Variants in CPNE8 observed in about 807,000 individuals in gnomAD.
The protein encoded by CPNE8 is copine 8.
Under a neutral mutation model 81.5 loss-of-function variants are expected in CPNE8, and 45 were observed. The observed-to-expected ratio is 0.55, with a 90% CI of 0.44 to 0.71. The LOEUF (loss-of-function observed/expected upper bound fraction) is 0.71. Among genes scored for constraint, CPNE8 ranks in the 30% least tolerant of loss-of-function variants. The probability of loss-of-function intolerance (pLI) is 0.00; values close to 1 mark genes in which losing one functional copy is unlikely to be tolerated. For synonymous variants in CPNE8, 252 were observed against 226.3 expected (o/e 1.11, Z -1.02); for missense variants, 594 against 672.1 (o/e 0.88, Z 1.28).
chr12:38,687,677 C>T (rs1456759603), intron 15 of CPNE8, among the ~76,000 whole-genome samples: 7 of 152,106 alleles, frequency 4.6e-5, no homozygotes, highest in African/African-American at 1.2e-4. Flanking sequence ...CCACCGCACC[C>T]GGCCAAAATG....
intron 10 of CPNE8, among the ~76,000 whole-genome samples, chr12:38,753,094 A>G (rs1016603221): frequency 6.6e-6 from 1 of 152,202 alleles, no homozygotes; most frequent in African/African-American, 2.4e-5. Flanking sequence ...TATTTAAGGT[A>G]ATTTCATAAT....
intron 19 of CPNE8, among the ~76,000 whole-genome samples, chr12:38,662,592 A>T (rs1938983382): frequency 6.6e-6 from 1 of 152,110 alleles, no homozygotes; most frequent in Non-Finnish European, 1.5e-5. Context: ...TTAAAGTAAT[A>T]CTTGTCAAAA....
chr12:38,818,904 T>C (rs761043254), intron 6 of CPNE8, among the ~76,000 whole-genome samples: 11 of 152,224 alleles, frequency 7.2e-5, no homozygotes, highest in Non-Finnish European at 1.3e-4. Flanking sequence ...CTTTTTTTCA[T>C]ATGTTTGTTG....
In CPNE8 at chr12:38,725,995, A is replaced by G. The variant is rs570722442; in HGVS notation, c.799-1096T>C. On this transcript the variant is annotated intron_variant, in intron 11 of 19. Transcript: ENST00000331366. Reference sequence around the variant, plus strand: ...GGATGATACTGTTCTACCTCAGATCATTAGGCATTAGATTCTTATAAGGAG... The same window carrying G: ...GGATGATACTGTTCTACCTCAGATCGTTAGGCATTAGATTCTTATAAGGAG... 9.9e-5 allele frequency among the ~76,000 whole-genome samples: 15 copies of G among 152,268 alleles called. No individual in the cohort carries two copies. The South Asian group carries it at 3.1e-3, about 32-fold the overall frequency.
At chr12:38,879,216 G>A (rs1013019718) in intron 1 of CPNE8, among the ~76,000 whole-genome samples, 1 of 152,170 alleles carries the variant, frequency 6.6e-6, no homozygotes, top group African/African-American at 2.4e-5. Context: ...GCAGCGGGGA[G>A]GAGCCTGGCC....
intron 6 of CPNE8, among the ~76,000 whole-genome samples, chr12:38,789,432 G>A (rs1397791411): frequency 6.6e-6 from 1 of 151,714 alleles, no homozygotes; most frequent in Non-Finnish European, 1.5e-5. Flanking sequence ...CCTATCTTTT[G>A]CTATATACAA....
chr12:38,791,296 TTTC>T (rs141444985), intron 6 of CPNE8, among the ~76,000 whole-genome samples: 16 of 151,508 alleles, frequency 1.1e-4, no homozygotes, highest in Non-Finnish European at 1.8e-4. Flanking sequence ...ATCTCAGGTA[TTTC>T]TTCTTCTTCT....
At chr12:38,795,843 A>T (rs764527258) in intron 6 of CPNE8, among the ~76,000 whole-genome samples, 3 of 133,704 alleles carry the variant, frequency 2.2e-5, no homozygotes, top group Non-Finnish European at 3.3e-5. Context: ...TTAAAATGGT[A>T]AATATGATGA....
chr12:38,695,399 C>T (rs149732234), intron 14 of CPNE8, among the ~76,000 whole-genome samples: 1 of 152,322 alleles, frequency 6.6e-6, no homozygotes, highest in East Asian at 1.9e-4. Flanking sequence ...CTAATGTCCT[C>T]TAGGACTTTT....
chr12:38,742,990 A>T (rs1384350175), intron 10 of CPNE8, among the ~76,000 whole-genome samples: 1 of 152,020 alleles, frequency 6.6e-6, no homozygotes, highest in African/African-American at 2.4e-5. Flanking sequence ...AAAGTTGTCT[A>T]AATAATTCTA....
chr12:38,848,614 T>C lies in CPNE8; in HGVS notation c.235A>G (p.Arg79Gly), dbSNP rs746286571. The C allele has an allele frequency of 6.3e-7, 1 of 1,595,694 alleles. No homozygotes were observed. Among genetic ancestry groups the C allele is most frequent in the Admixed American group, 1.8e-5 (1 of 54,598 alleles). ...AAAAAGTAGTCCAGAATAAACTTTC[T>C]TACAAAATCAGGATTTAAAGTATTA... Reference protein sequence around the residue: ...IDNTLNPDFVRKFILDYFFEE... With the variant: ...IDNTLNPDFVGKFILDYFFEE... The change falls in exon 4 of 20, where the codon AGA (arginine) becomes GGA (glycine). Residue 79 changes from arginine (R) to glycine (G), a missense_variant. Transcript: ENST00000331366.
At chr12:38,814,569 TA>T (rs1017817728) in intron 6 of CPNE8, among the ~76,000 whole-genome samples, 14 of 152,142 alleles carry the variant, frequency 9.2e-5, no homozygotes, top group Admixed American at 9.2e-4. Flanking sequence ...ACCTGAATTT[TA>T]AAAACCAGTC....
At chr12:38,771,942 G>A (rs540096457) in intron 7 of CPNE8, among the ~76,000 whole-genome samples, 15 of 152,248 alleles carry the variant, frequency 9.9e-5, no homozygotes, top group African/African-American at 2.4e-4. Context: ...AGCTCATATC[G>A]AAATTTGATC....
chr12:38,693,739 T>C lies in CPNE8; in HGVS notation c.1061A>G (p.Tyr354Cys), dbSNP rs1939730868. 5 of 1,613,784 alleles carry C rather than the reference T, an allele frequency of 3.1e-6. No individual in the cohort carries two copies. The South Asian group carries it at 3.3e-5, about 11-fold the overall frequency. ...LKAVGEIVQD[Y>C]DSDKMFPALG... ...AGCTGGAAACATTTTATCACTGTCATAATCTTGAACAATTTCTCCCACTGC... is the reference window on the plus strand; with the variant it reads ...AGCTGGAAACATTTTATCACTGTCACAATCTTGAACAATTTCTCCCACTGC... The change falls in exon 15 of 20, where the codon TAT (tyrosine) becomes TGT (cysteine). Residue 354 changes from tyrosine (Y) to cysteine (C), a missense_variant. Physicochemically the swap from Tyr to Cys is radical, Grantham distance 194. Coordinates refer to ENST00000331366, the MANE Select transcript of CPNE8 (RefSeq NM_153634.3).
chr12:38,756,160 T>C (rs984271614), intron 10 of CPNE8, among the ~76,000 whole-genome samples: 10 of 152,098 alleles, frequency 6.6e-5, no homozygotes, highest in Non-Finnish European at 1.3e-4. Context: ...GTATGCTTCA[T>C]AGATTTGTGA....
chr12:38,895,935 T>G (rs1944382595), intron 1 of CPNE8, among the ~76,000 whole-genome samples: 1 of 152,110 alleles, frequency 6.6e-6, no homozygotes, highest in Non-Finnish European at 1.5e-5. Flanking sequence ...TTAAACCAAA[T>G]TACTTATACT....
chr12:38,788,721 A>T (rs1247319052), intron 6 of CPNE8, among the ~76,000 whole-genome samples: 1 of 151,768 alleles, frequency 6.6e-6, no homozygotes, highest in Non-Finnish European at 1.5e-5. Flanking sequence ...AAACCTGAAG[A>T]TGCCACACAA....
intron 6 of CPNE8, among the ~76,000 whole-genome samples, chr12:38,818,123 A>G (rs1407628474): frequency 1.3e-5 from 2 of 152,144 alleles, no homozygotes; most frequent in Admixed American, 1.3e-4. Context: ...CAAAGCCAGT[A>G]GAATAGTAAC....
chr12:38,845,405 A>G (rs551008954), intron 4 of CPNE8, among the ~76,000 whole-genome samples: 3 of 152,114 alleles, frequency 2.0e-5, no homozygotes, highest in Non-Finnish European at 4.4e-5. Flanking sequence ...TAATCTCTGT[A>G]TGTATTTACT....
Sources: gnomAD v4.1 joint callset for allele counts (sites outside exome capture counted in the v4.1 genomes callset) on GRCh38, gnomAD v4.1.1 for gene constraint, MANE v1.5 for transcripts, NCBI Gene and HGNC (gene_info 2026-07-23, HGNC 2026-07-21) for gene names.